CNTFR: variants seen among roughly 807,000 people sequenced by gnomAD.
CNTFR encodes ciliary neurotrophic factor receptor subunit alpha.
In CNTFR, 12 loss-of-function variants were observed where a neutral mutation model predicts 40.4. The observed-to-expected ratio is 0.30, with a 90% CI of 0.19 to 0.48. The LOEUF (loss-of-function observed/expected upper bound fraction) is 0.48. CNTFR is among the 20% of genes least tolerant of loss of function. The pLI is 0.99. For synonymous variants in CNTFR, 202 were observed against 209.6 expected (o/e 0.96, Z 0.31); for missense variants, 414 against 506.8 (o/e 0.82, Z 1.76).
chr9:34,564,040 G>A (rs1158014670), intron 4 of CNTFR, among the ~76,000 whole-genome samples: 1 of 152,186 alleles, frequency 6.6e-6, no homozygotes, highest in Admixed American at 6.5e-5. Flanking sequence ...GAGGCCTACG[G>A]TCACACCCAG....
chr9:34,582,507 AG>A (rs1485218266), intron 1 of CNTFR: 1 of 152,196 alleles, frequency 6.6e-6, no homozygotes, highest in Non-Finnish European at 1.5e-5. Flanking sequence ...GGAGATCCTC[AG>A]GGTCCAACTG....
In CNTFR at chr9:34,557,808, G is replaced by T; in HGVS notation, c.437+59C>A. On this transcript the variant is annotated intron_variant, in intron 5 of 9. Transcript: ENST00000378980. This position sits in a 1 kb window ranked among gnomAD's most constrained non-coding sequence, Gnocchi z 4.2. ...GGGTATGGACAGAGGGCATGGTGGTGGGATGGGGGAGAGGTCAGAGGTCAG... is the reference window on the plus strand; with the variant it reads ...GGGTATGGACAGAGGGCATGGTGGTTGGATGGGGGAGAGGTCAGAGGTCAG... 1 of 1,540,872 alleles carries T rather than the reference G, an allele frequency of 6.5e-7. No homozygotes were observed.
intron 2 of CNTFR, among the ~76,000 whole-genome samples, chr9:34,571,599 C>T (rs944888101): frequency 3.9e-4 from 59 of 150,640 alleles, no homozygotes; most frequent in African/African-American, 1.3e-3. Flanking sequence ...CTCAGGCCCC[C>T]GCGGGGGGAG....
intron 1 of CNTFR, among the ~76,000 whole-genome samples, chr9:34,583,580 G>A (rs1002925780): frequency 6.6e-6 from 1 of 152,048 alleles, no homozygotes; most frequent in Non-Finnish European, 1.5e-5. Context: ...CAATTCCTGA[G>A]CACCCCCCAA....
intron 4 of CNTFR, among the ~76,000 whole-genome samples, chr9:34,558,877 CACACACA>C (rs1010459222): frequency 6.6e-6 from 1 of 152,178 alleles, no homozygotes; most frequent in Non-Finnish European, 1.5e-5. Flanking sequence ...TAACCCTATA[CACACACA>C]CTTGGGAAGT....
Position 34,557,493 on chromosome 9 carries a change from T to C in CNTFR, c.604+33A>G. ...ACATCCACTTACATTCCCACTGGAG[T>C]AGGCAGCAGGTCCCCCCAACCGCCA... On this transcript the variant is annotated intron_variant, in intron 6 of 9. Coordinates refer to ENST00000378980, the MANE Select transcript of CNTFR (RefSeq NM_147164.3). This position sits in a 1 kb window ranked among gnomAD's most constrained non-coding sequence, Gnocchi z 4.2. The C allele has an allele frequency of 6.2e-7, 1 of 1,604,950 alleles. No homozygotes were observed. The highest frequency in any genetic ancestry group is 8.5e-7 in the Non-Finnish European group (1 of 1,173,078).
At chr9:34,559,777 G>T (rs1020022288) in intron 4 of CNTFR, among the ~76,000 whole-genome samples, 1 of 152,198 alleles carries the variant, frequency 6.6e-6, no homozygotes, top group Non-Finnish European at 1.5e-5. Flanking sequence ...GGTGGGGATC[G>T]GAGTGTGCAG....
rs556028812 is a variant in CNTFR at position 34,568,369 on chromosome 9, G to A, written c.85+528C>T. ...CCGAGCCCTGAGCTGTCCCTCCCCCGTGTGGCCATTCCAGCTGATTAACCT... is the reference window on the plus strand; with the variant it reads ...CCGAGCCCTGAGCTGTCCCTCCCCCATGTGGCCATTCCAGCTGATTAACCT... On this transcript the variant is annotated intron_variant, in intron 3 of 9. Transcript: ENST00000378980. Among the ~76,000 whole-genome samples, 34 of 152,256 alleles carry A rather than the reference G, an allele frequency of 2.2e-4. No individual in the cohort carries two copies. The East Asian group carries it at 5.6e-3, about 25-fold the overall frequency.
In CNTFR at chr9:34,551,594, C is replaced by T. The variant is rs1482373814; in HGVS notation, c.*477G>A. On this transcript the variant is annotated 3_prime_UTR_variant, in exon 10 of 10. Transcript: ENST00000378980. The stretch of plus-strand genomic sequence containing the variant: ...GGAGCAGGGTCAGGGGAGGGGTATA[C>T]AAAACAGGGCAGAGGGGAGGGGACT... 1 of 275,842 alleles carries T rather than the reference C, an allele frequency of 3.6e-6. No individual in the cohort carries two copies. Among genetic ancestry groups the T allele is most frequent in the Non-Finnish European group, 7.0e-6 (1 of 143,188 alleles). The allele number at this position is 275,842 out of a possible 1,614,324, so 17.1% of individuals were successfully genotyped here. A position where few individuals can be genotyped will look rare whatever the true frequency, so the allele number is the denominator to read the frequency against.
intron 1 of CNTFR, among the ~76,000 whole-genome samples, chr9:34,587,692 G>A (rs1827601827): frequency 6.6e-6 from 1 of 152,142 alleles, no homozygotes; most frequent in African/African-American, 2.4e-5. Flanking sequence ...CCCCATGCGA[G>A]TCTGACTAAC....
chr9:34,575,463 C>T (rs1362934327), intron 2 of CNTFR, among the ~76,000 whole-genome samples: 4 of 152,204 alleles, frequency 2.6e-5, no homozygotes, highest in South Asian at 2.1e-4. Context: ...CCGAAGCGGA[C>T]GCCGGGGACA....
intron 2 of CNTFR, chr9:34,569,522 A>G (rs1258589281): frequency 6.5e-6 from 1 of 153,738 alleles, no homozygotes; most frequent in Non-Finnish European, 1.4e-5. Context: ...ATTGCTTTGA[A>G]TGGCAGGCCC....
At chr9:34,563,794 A>G (rs1347141485) in intron 4 of CNTFR, among the ~76,000 whole-genome samples, 1 of 152,064 alleles carries the variant, frequency 6.6e-6, no homozygotes, top group Non-Finnish European at 1.5e-5. Context: ...CCCCAGCTCC[A>G]TGCCCTGGTC....
chr9:34,585,485 C>T (rs964047006), intron 1 of CNTFR, among the ~76,000 whole-genome samples: 8 of 152,174 alleles, frequency 5.3e-5, no homozygotes, highest in African/African-American at 1.9e-4. Flanking sequence ...GAGCTGGCTG[C>T]CCACAGCCAC....
chr9:34,552,235 T>G lies in CNTFR; in HGVS notation c.1044A>C (p.Ala348=), dbSNP rs1406630388. The G allele has an allele frequency of 6.4e-7, 1 of 1,558,898 alleles. No homozygotes were observed. Among genetic ancestry groups the G allele is most frequent in the African/African-American group, 1.4e-5 (1 of 73,522 alleles). Residue 348 remains alanine, a synonymous_variant, in exon 9 of 10, where the codon GCA becomes GCC. Transcript: ENST00000378980. This position sits in a 1 kb window ranked among gnomAD's most constrained non-coding sequence, Gnocchi z 5.1. ...TGATGGGGACGCTGACCAAGAAGGG[T>G]GCCGAGGGTCCCCCGCCGCTGCCCA... ...GELGSGGGPS[A]PFLVSVPITL...
At chr9:34,585,540 C>G (rs1480823953) in intron 1 of CNTFR, among the ~76,000 whole-genome samples, 2 of 152,212 alleles carry the variant, frequency 1.3e-5, no homozygotes, top group Non-Finnish European at 2.9e-5. Flanking sequence ...CCTCCTTCCA[C>G]CCCTTGGCCC....
At chr9:34,562,064 A>G (rs1406270382) in intron 4 of CNTFR, among the ~76,000 whole-genome samples, 1 of 152,124 alleles carries the variant, frequency 6.6e-6, no homozygotes, top group Non-Finnish European at 1.5e-5. Flanking sequence ...CGACCTCTCA[A>G]AGAAGATCAC....
intron 7 of CNTFR, among the ~76,000 whole-genome samples, chr9:34,553,913 C>T (rs1825734859): frequency 2.0e-5 from 3 of 152,258 alleles, no homozygotes; most frequent in African/African-American, 2.4e-5. Context: ...CCTGTTCCAA[C>T]CTTCCCCCGA....
At chr9:34,571,155 A>G (rs1826607175) in intron 2 of CNTFR, among the ~76,000 whole-genome samples, 1 of 152,180 alleles carries the variant, frequency 6.6e-6, no homozygotes, top group East Asian at 1.9e-4. Flanking sequence ...GACAATGGCC[A>G]AAGTTACACA....
Sources: gnomAD v4.1 joint callset for allele counts (sites outside exome capture counted in the v4.1 genomes callset) on GRCh38, gnomAD v4.1.1 for gene constraint, Gnocchi (gnomAD v3.1) non-coding constraint, MANE v1.5 for transcripts, NCBI Gene and HGNC (gene_info 2026-07-23, HGNC 2026-07-21) for gene names.